Variants in EDDM13 observed in about 807,000 individuals in gnomAD.
The protein encoded by EDDM13 is epididymal protein 13.
Under a neutral mutation model 17.8 loss-of-function variants are expected in EDDM13, and 24 were observed. The ratio of observed to expected loss-of-function variants is 1.35; its 90% CI spans 0.98 to 1.90. EDDM13 has a LOEUF of 1.90. Ranked by LOEUF, EDDM13 falls within the 40% of genes most tolerant of loss-of-function variation. The probability of loss-of-function intolerance (pLI) is 0.00; values close to 1 mark genes in which losing one functional copy is unlikely to be tolerated. For synonymous variants in EDDM13, 31 were observed against 37.5 expected, an observed-to-expected ratio of 0.83 and a Z score of 0.63; for missense variants, 97 against 100.8, an observed-to-expected ratio of 0.96 and a Z score of 0.16.
chr19:56,298,496 C>T (rs780891469), intron 12 of EDDM13, among the ~76,000 whole-genome samples: 2 of 151,334 alleles, frequency 1.3e-5, no homozygotes, highest in African/African-American at 2.4e-5. Flanking sequence ...ACTAAAAATA[C>T]AAAAAAATTA....
At position 56,297,538 on chromosome 19, in the gene EDDM13, G is replaced by A; in HGVS notation, c.295+7G>A. ...AGTGGCTGCAAGGAGGAAGGTAAGTGCTTGGGGTCGTACCATTCCTCATCT... is the reference window on the plus strand; with the variant it reads ...AGTGGCTGCAAGGAGGAAGGTAAGTACTTGGGGTCGTACCATTCCTCATCT... On this transcript the variant is annotated splice_region_variant and intron_variant, in intron 12 of 14. Transcript: ENST00000649256. 2 of 984,662 alleles carry A rather than the reference G, an allele frequency of 2.0e-6. No individual in the cohort carries two copies. The highest frequency in any genetic ancestry group is 2.4e-6 in the Non-Finnish European group (2 of 829,530). The allele number at this position is 984,662 out of a possible 1,614,324, so 61.0% of individuals were successfully genotyped here.
At chr19:56,303,457 G>A (rs548606752) in intron 13 of EDDM13, among the ~76,000 whole-genome samples, 4 of 145,770 alleles carry the variant, frequency 2.7e-5, no homozygotes, top group Non-Finnish European at 6.0e-5. Context: ...GACAGAGTGA[G>A]ACTCTGTCTC....
Position 56,285,613 on chromosome 19 carries a change from TTTTG to T in EDDM13, c.154+597_154+600del, listed in dbSNP as rs1011493732. On this transcript the variant is annotated intron_variant, in intron 6 of 14. Coordinates refer to ENST00000649256, the MANE Select transcript of EDDM13 (RefSeq NM_001354658.2). The stretch of plus-strand genomic sequence containing the variant: ...GGGATTCCTAACATATTTTGATTTG[TTTTG>T]TTTGTTTTAATTTTTAAATTATTAT... 1.2e-4 allele frequency among the ~76,000 whole-genome samples: 18 copies of T among 152,238 alleles called. No homozygotes were observed. In the East Asian group the frequency reaches 1.3e-3, roughly 11 times the overall value.
At chr19:56,286,830 T>G (rs905256718) in intron 6 of EDDM13, 1 of 152,248 alleles carries the variant, frequency 6.6e-6, no homozygotes, top group African/African-American at 2.4e-5. Context: ...CATCTCTCAC[T>G]GCTAGAGATG....
At chr19:56,292,859 C>T (rs939498725) in intron 9 of EDDM13, among the ~76,000 whole-genome samples, 3 of 152,222 alleles carry the variant, frequency 2.0e-5, no homozygotes, top group African/African-American at 7.2e-5. Flanking sequence ...AGCACAGTGT[C>T]CTCAAGGTTC....
At chr19:56,291,219 T>C (rs1340455886) in intron 9 of EDDM13, among the ~76,000 whole-genome samples, 1 of 152,166 alleles carries the variant, frequency 6.6e-6, no homozygotes, top group Non-Finnish European at 1.5e-5. Flanking sequence ...GAGGGGCACC[T>C]TGCTCCTTCC....
intron 2 of EDDM13, among the ~76,000 whole-genome samples, chr19:56,278,927 G>A (rs1044684111): frequency 6.6e-6 from 1 of 152,142 alleles, no homozygotes; most frequent in Non-Finnish European, 1.5e-5. Flanking sequence ...CATCCAACTG[G>A]ATGGTGCTCA....
At chr19:56,277,698 A>G (rs2038369857) in intron 2 of EDDM13, among the ~76,000 whole-genome samples, 1 of 152,136 alleles carries the variant, frequency 6.6e-6, no homozygotes, top group African/African-American at 2.4e-5. Context: ...CAGTAAAGCT[A>G]TTATTCAAAT....
At chr19:56,308,329 G>GTTTTTTT (rs1425149184) in intron 14 of EDDM13, among the ~76,000 whole-genome samples, 2 of 135,230 alleles carry the variant, frequency 1.5e-5, no homozygotes, top group Admixed American at 7.1e-5. Context: ...GTGGCTCCCA[G>GTTTTTTT]TCTTTTTTTT....
chr19:56,302,035 C>T lies in EDDM13; in HGVS notation c.363C>T (p.Phe121=), dbSNP rs528879562. 1.1e-5 allele frequency: 14 copies of T among 1,232,016 alleles called. No individual in the cohort carries two copies. The African/African-American group carries it at 2.2e-4, about 19-fold the overall frequency. The allele number at this position is 1,232,016 out of a possible 1,614,324, so 76.3% of individuals were successfully genotyped here. A position where few individuals can be genotyped will look rare whatever the true frequency, so the allele number is the denominator to read the frequency against. ...CCAAGAGGAAGAACACGTGGAACTT[C>T]CTGAAATGCGCCTACATGGTGATGA... is the stretch of plus-strand genomic sequence containing the variant. The part of the protein sequence containing the change: ...PLPKRKNTWN[F]LKCAYMVMTY... The change falls in exon 13 of 15, where the codon TTC becomes TTT. Residue 121 remains phenylalanine (F), a synonymous_variant. Transcript: ENST00000649256.
At chr19:56,289,512 G>A (rs972645155) in intron 8 of EDDM13, among the ~76,000 whole-genome samples, 2 of 152,128 alleles carry the variant, frequency 1.3e-5, no homozygotes, top group African/African-American at 4.8e-5. Context: ...ACTGATCCTC[G>A]AGGCCAAAGA....
chr19:56,295,191 G>A (rs1428403709), intron 9 of EDDM13: 1 of 152,162 alleles, frequency 6.6e-6, no homozygotes, highest in African/African-American at 2.4e-5. Flanking sequence ...TAATATACCA[G>A]TCAAGTTGTT....
intron 14 of EDDM13, among the ~76,000 whole-genome samples, chr19:56,308,645 C>T (rs1471428266): frequency 6.7e-6 from 1 of 149,400 alleles, no homozygotes; most frequent in African/African-American, 2.5e-5. Context: ...TTTCTGATTC[C>T]CCCCAAAACA....
At position 56,285,036 on chromosome 19, in the gene EDDM13, G is replaced by C. The variant is rs2039000951; in HGVS notation, c.154+12G>C. Reference sequence around the variant, plus strand: ...ACTGTCACCGGATGGTAAGTGTCAGGATTGTATCTTTTAAACCTGGTCTTT... The same window carrying C: ...ACTGTCACCGGATGGTAAGTGTCAGCATTGTATCTTTTAAACCTGGTCTTT... On this transcript the variant is annotated intron_variant, in intron 6 of 14. Transcript: ENST00000649256. The C allele has an allele frequency of 2.0e-6, 2 of 985,154 alleles. No homozygotes were observed. Among genetic ancestry groups the C allele is most frequent in the Non-Finnish European group, 2.4e-6 (2 of 829,688 alleles). 61.0% of individuals were successfully genotyped at this position (985,154 alleles called of 1,614,324 possible). A position where few individuals can be genotyped will look rare whatever the true frequency, so the allele number is the denominator to read the frequency against.
intron 13 of EDDM13, among the ~76,000 whole-genome samples, chr19:56,303,709 G>A (rs2040495157): frequency 6.6e-6 from 1 of 152,176 alleles, no homozygotes; most frequent in Non-Finnish European, 1.5e-5. Flanking sequence ...TGGGATAGCA[G>A]GAGGACTGCA....
At chr19:56,278,184 C>A (rs1312432807) in intron 2 of EDDM13, among the ~76,000 whole-genome samples, 1 of 151,724 alleles carries the variant, frequency 6.6e-6, no homozygotes, top group Non-Finnish European at 1.5e-5. Flanking sequence ...TACAGTGGCA[C>A]GGTCTCGGCT....
intron 1 of EDDM13, among the ~76,000 whole-genome samples, chr19:56,273,215 A>G (rs893071753): frequency 2.0e-5 from 3 of 152,204 alleles, no homozygotes; most frequent in African/African-American, 7.2e-5. Context: ...CGGGGCTCAC[A>G]AGAATCCCCA....
intron 2 of EDDM13, among the ~76,000 whole-genome samples, chr19:56,279,564 G>A (rs1039589167): frequency 6.6e-6 from 1 of 152,154 alleles, no homozygotes; most frequent in Middle Eastern, 3.2e-3. Context: ...AATCGTAAGT[G>A]TCCCATATGG....
intron 1 of EDDM13, chr19:56,274,692 G>A (rs937887274): frequency 6.6e-6 from 1 of 152,142 alleles, no homozygotes; most frequent in Non-Finnish European, 1.5e-5. Flanking sequence ...TTTTACTAAT[G>A]TTTCTACTAA....
Sources: allele counts gnomAD v4.1 joint callset (sites outside exome capture counted in the v4.1 genomes callset), GRCh38; gene constraint gnomAD v4.1.1; transcripts MANE v1.5; gene names NCBI Gene and HGNC (gene_info 2026-07-23, HGNC 2026-07-21).